Variants in NF2 observed in about 807,000 individuals in gnomAD.
NF2 encodes merlin.
A neutral mutation model predicts 83.7 loss-of-function variants in NF2; 8 were observed. The ratio of observed to expected loss-of-function variants is 0.10; its 90% CI spans 0.06 to 0.17. The LOEUF (loss-of-function observed/expected upper bound fraction) is 0.17, where lower values mean the gene tolerates loss of function less well. Ranked by LOEUF, NF2 falls within the 10% of genes least tolerant of loss-of-function variation. The probability of loss-of-function intolerance (pLI) is 1.00; values close to 1 mark genes in which losing one functional copy is unlikely to be tolerated. For synonymous variants in NF2, 266 were observed against 269.6 expected, an observed-to-expected ratio of 0.99 and a Z score of 0.13; for missense variants, 533 against 744.4, an observed-to-expected ratio of 0.72 and a Z score of 3.31.
At chr22:29,665,441 A>G (rs1343088754) in intron 9 of NF2, among the ~76,000 whole-genome samples, 1 of 152,094 alleles carries the variant, frequency 6.6e-6, no homozygotes, top group Non-Finnish European at 1.5e-5. Context: ...ACGGGGTTTC[A>G]CCATATTGGT....
Position 29,696,474 on chromosome 22 carries a change from C to T in NF2, c.*1672C>T, listed in dbSNP as rs757272448. 3.8e-4 allele frequency: 83 copies of T among 220,968 alleles called. No individual in the cohort carries two copies. The highest frequency in any genetic ancestry group is 6.0e-4 in the Non-Finnish European group (66 of 110,112). The allele number at this position is 220,968 out of a possible 1,614,324, so 13.7% of individuals were successfully genotyped here. On this transcript the variant is annotated 3_prime_UTR_variant, in exon 16 of 16. Coordinates refer to ENST00000338641, the MANE Select transcript of NF2 (RefSeq NM_000268.4). ...TAAAAGATAGAGGCTATGGGGGCCT[C>T]AAGATTTTTGGAGAGCAGAGGTGGT...
intron 13 of NF2, among the ~76,000 whole-genome samples, chr22:29,675,369 C>T (rs16987914): frequency 0.23 from 34,905 of 152,046 alleles, 4,297 homozygotes; most frequent in East Asian, 0.44. Flanking sequence ...CGTGCAAGAA[C>T]GAGCAGCCAC....
In NF2 at chr22:29,643,544, C is replaced by T. The variant is rs532656603; in HGVS notation, c.447+1259C>T. On this transcript the variant is annotated intron_variant, in intron 4 of 15. Transcript: ENST00000338641. ...CTGTTTAACAAAGCACATCTTGCAC[C>T]GCCCTTAATCCATTTAACCCTGAGT... Among the ~76,000 whole-genome samples, 15 of 152,250 alleles carry T rather than the reference C, an allele frequency of 9.9e-5. No individual in the cohort carries two copies. In the South Asian group the frequency reaches 1.0e-3, roughly 11 times the overall value.
chr22:29,644,124 T>G (rs7290811), intron 4 of NF2, among the ~76,000 whole-genome samples: 35 of 149,170 alleles, frequency 2.3e-4, no homozygotes, highest in African/African-American at 8.6e-4. Flanking sequence ...ACTTCTCATA[T>G]GGGGCGGCTG....
At chr22:29,610,033 T>TAGAGAG (rs3074485) in intron 1 of NF2, among the ~76,000 whole-genome samples, 32 of 148,252 alleles carry the variant, frequency 2.2e-4, no homozygotes, top group African/African-American at 3.7e-4. Context: ...AATAAATAAT[T>TAGAGAG]AGAGAGAGAG....
intron 10 of NF2, among the ~76,000 whole-genome samples, chr22:29,670,521 G>GTGTGTA (rs1555999650): frequency 2.6e-5 from 4 of 151,840 alleles, no homozygotes; most frequent in Non-Finnish European, 4.4e-5. Flanking sequence ...GTGTGTGTGT[G>GTGTGTA]TGTGTGTGTG....
chr22:29,692,063 T>C (rs1601684724), intron 15 of NF2, among the ~76,000 whole-genome samples: 2 of 152,108 alleles, frequency 1.3e-5, no homozygotes, highest in East Asian at 1.9e-4. Flanking sequence ...GGGTAAAGGA[T>C]GGGGCGGCAG....
At chr22:29,640,572 A>T (rs969068643) in intron 3 of NF2, among the ~76,000 whole-genome samples, 5 of 152,140 alleles carry the variant, frequency 3.3e-5, no homozygotes, top group African/African-American at 9.7e-5. Flanking sequence ...CACTGGGGCT[A>T]TTTGTGTGCT....
chr22:29,622,301 T>C (rs2065235111), intron 1 of NF2, among the ~76,000 whole-genome samples: 1 of 152,236 alleles, frequency 6.6e-6, no homozygotes, highest in Non-Finnish European at 1.5e-5. Flanking sequence ...AGTGTCTAGT[T>C]TGTCATTTTG....
Position 29,677,619 on chromosome 22 carries a change from C to T in NF2, c.1447-577C>T, listed in dbSNP as rs540708501. Among the ~76,000 whole-genome samples, 117 of 152,294 alleles carry T rather than the reference C, an allele frequency of 7.7e-4. 2 individuals are homozygous for T. Among genetic ancestry groups the T allele is most frequent in the African/African-American group, 2.7e-3 (114 of 41,570 alleles). ...TTGTGGTGGTGCCCATCTCCCACCC[C>T]ACCTCTCCACACTGCATGGCAGACT... On this transcript the variant is annotated intron_variant, in intron 13 of 15. Transcript: ENST00000338641.
rs557229427 is a variant in NF2 at position 29,647,976 on chromosome 22, C to CA, written c.447+5697dup. Among the ~76,000 whole-genome samples, 47 of 151,754 alleles carry CA rather than the reference C, an allele frequency of 3.1e-4. No homozygotes were observed. In the South Asian group the frequency reaches 9.4e-3, roughly 30 times the overall value. On this transcript the variant is annotated intron_variant, in intron 4 of 15. Transcript: ENST00000338641. ...AAATAAATAAATAAATACATACATA[C>CA]AAAAAATAGCTGGGTGCAGTGGTGG... is the stretch of plus-strand genomic sequence containing the variant.
rs2067561907 is a variant in NF2, at chr22:29,696,757, C to T, written c.*1955C>T. ...GTGACCCAGCCAGGAGCGGAAGCTTCAGGCGTTTGTAAAGTGAGGTCTGGC... is the reference window on the plus strand; with the variant it reads ...GTGACCCAGCCAGGAGCGGAAGCTTTAGGCGTTTGTAAAGTGAGGTCTGGC... On this transcript the variant is annotated 3_prime_UTR_variant, in exon 16 of 16. Transcript: ENST00000338641. The T allele has an allele frequency of 4.6e-6, 1 of 215,236 alleles. No homozygotes were observed. Among genetic ancestry groups the T allele is most frequent in the Non-Finnish European group, 9.3e-6 (1 of 107,368 alleles). The allele number at this position is 215,236 out of a possible 1,614,324, so 13.3% of individuals were successfully genotyped here. A position where few individuals can be genotyped will look rare whatever the true frequency, so the allele number is the denominator to read the frequency against.
chr22:29,687,904 G>A (rs547745124), intron 15 of NF2, among the ~76,000 whole-genome samples: 2 of 152,334 alleles, frequency 1.3e-5, no homozygotes, highest in Non-Finnish European at 2.9e-5. Flanking sequence ...CTTCCTCTCC[G>A]CCTCCTGGCT....
intron 15 of NF2, among the ~76,000 whole-genome samples, chr22:29,687,089 C>T (rs1041300623): frequency 2.6e-5 from 4 of 152,290 alleles, no homozygotes; most frequent in South Asian, 2.1e-4. Context: ...TTTCTTTCAT[C>T]GCTTCTCAAG....
In NF2 at chr22:29,694,295, G is replaced by A. The variant is rs116657565; in HGVS notation, c.1738-457G>A. 5.2e-3 allele frequency among the ~76,000 whole-genome samples: 789 copies of A among 152,326 alleles called. 5 individuals carry two copies. The highest frequency in any genetic ancestry group is 0.018 in the African/African-American group (754 of 41,564). ...ACAGGCCTGCCTTGCCTCAGGCCAC[G>A]TCACCTTACCCCAGCCATGTTGCCA... On this transcript the variant is annotated intron_variant, in intron 15 of 15. Transcript: ENST00000338641. This position sits in a 1 kb window ranked among gnomAD's most constrained non-coding sequence, Gnocchi z 4.1.
In NF2 at chr22:29,678,063, T is replaced by G; in HGVS notation, c.1447-133T>G. On this transcript the variant is annotated intron_variant, in intron 13 of 15. Transcript: ENST00000338641. ...AGTGAAGTGGAGGGATGGGGACTCG[T>G]GGTGGCATTGGGAGGTGGGACCCGA... 2.8e-6 allele frequency: 3 copies of G among 1,078,696 alleles called. No individual in the cohort carries two copies. In the South Asian group the frequency reaches 3.8e-5, roughly 14 times the overall value. 66.8% of individuals were successfully genotyped at this position (1,078,696 alleles called of 1,614,324 possible). A position where few individuals can be genotyped will look rare whatever the true frequency, so the allele number is the denominator to read the frequency against.
At chr22:29,692,521 G>A (rs2067434137) in intron 15 of NF2, among the ~76,000 whole-genome samples, 2 of 152,342 alleles carry the variant, frequency 1.3e-5, no homozygotes, top group South Asian at 4.1e-4. Flanking sequence ...CTCCTCGGGT[G>A]GAGGATCCAG....
intron 1 of NF2, among the ~76,000 whole-genome samples, chr22:29,620,069 G>A (rs1030907387): frequency 1.1e-4 from 17 of 152,260 alleles, no homozygotes; most frequent in African/African-American, 4.1e-4. Flanking sequence ...AGACCAGTTT[G>A]GGCACATGGT....
intron 6 of NF2, 39 bp downstream of exon 6, chr22:29,655,715 GC>G (rs774259870): frequency 6.1e-6 from 9 of 1,480,852 alleles, no homozygotes; most frequent in Non-Finnish European, 8.4e-6. Flanking sequence ...TCCTTTATGG[GC>G]TTTTTTTTTT....
Sources: allele counts gnomAD v4.1 joint callset (sites outside exome capture counted in the v4.1 genomes callset), GRCh38; gene constraint gnomAD v4.1.1; non-coding constraint Gnocchi (gnomAD v3.1); transcripts MANE v1.5; gene names NCBI Gene and HGNC (gene_info 2026-07-23, HGNC 2026-07-21).